SNTG2: variants seen among roughly 807,000 people sequenced by gnomAD.
SNTG2 encodes syntrophin gamma 2.
Under a neutral mutation model 70.9 loss-of-function variants are expected in SNTG2, and 74 were observed. That is an observed-to-expected ratio of 1.04 (90% CI 0.86 to 1.27). The LOEUF (loss-of-function observed/expected upper bound fraction) is 1.27, where lower values mean the gene tolerates loss of function less well. Among genes scored for constraint, SNTG2 ranks in the 50% most tolerant of loss-of-function variants. SNTG2 has a pLI of 0.00. For missense variants in SNTG2, 717 were observed against 690.7 expected, an observed-to-expected ratio of 1.04 and a Z score of -0.43; for synonymous variants, 278 against 273.8, an observed-to-expected ratio of 1.02 and a Z score of -0.15.
rs180775904 is a variant in SNTG2 at position 1,175,263 on chromosome 2, C to A, written c.591+2080C>A. Among the ~76,000 whole-genome samples, 25 of 152,288 alleles carry A rather than the reference C, an allele frequency of 1.6e-4. No individual in the cohort carries two copies. In the South Asian group the frequency reaches 5.2e-3, roughly 32 times the overall value. On this transcript the variant is annotated intron_variant, in intron 8 of 16. Transcript: ENST00000308624. ...AAGTAACCAGCACCATGAGCGCAGGCGTGTGCTGCTGAGACCTCTGTTGTA... is the reference window on the plus strand; with the variant it reads ...AAGTAACCAGCACCATGAGCGCAGGAGTGTGCTGCTGAGACCTCTGTTGTA...
chr2:1,207,588 G>A (rs764289698), intron 8 of SNTG2, among the ~76,000 whole-genome samples: 6 of 152,104 alleles, frequency 3.9e-5, no homozygotes, highest in Non-Finnish European at 8.8e-5. Context: ...GGAGGAGAAT[G>A]AGAAGGGGGC....
At chr2:1,256,127 C>G (rs1678107293) in intron 12 of SNTG2, among the ~76,000 whole-genome samples, 1 of 151,164 alleles carries the variant, frequency 6.6e-6, no homozygotes, top group Non-Finnish European at 1.5e-5. Flanking sequence ...TATAGAAAAC[C>G]AAATGTTTCG....
intron 1 of SNTG2, among the ~76,000 whole-genome samples, chr2:1,015,581 G>A (rs6548171): frequency 0.36 from 54,806 of 152,132 alleles, 10,807 homozygotes; most frequent in Middle Eastern, 0.52. Flanking sequence ...GCCAGTAAAC[G>A]TGGATGATGT....
intron 11 of SNTG2, among the ~76,000 whole-genome samples, chr2:1,240,285 T>A (rs764302348): frequency 3.9e-5 from 6 of 152,178 alleles, no homozygotes; most frequent in Non-Finnish European, 7.4e-5. Flanking sequence ...CCAGAGCCCT[T>A]AACGTTGTCC....
intron 14 of SNTG2, among the ~76,000 whole-genome samples, chr2:1,286,308 A>G (rs1229480506): frequency 6.6e-6 from 1 of 152,184 alleles, no homozygotes; most frequent in Admixed American, 6.5e-5. Context: ...ACAGTACCAT[A>G]TATCAAATGC....
chr2:1,246,681 A>G (rs1677449159), intron 11 of SNTG2, among the ~76,000 whole-genome samples: 1 of 152,224 alleles, frequency 6.6e-6, no homozygotes, highest in African/African-American at 2.4e-5. Context: ...ACTTGCTACA[A>G]AATATGTCAC....
At chr2:1,111,243 T>C (rs1666418064) in intron 4 of SNTG2, among the ~76,000 whole-genome samples, 1 of 152,218 alleles carries the variant, frequency 6.6e-6, no homozygotes, top group African/African-American at 2.4e-5. Flanking sequence ...GAATGAGAAA[T>C]GCCGAAACCT....
chr2:1,284,956 TA>T (rs1264872107), intron 14 of SNTG2, among the ~76,000 whole-genome samples: 1 of 151,016 alleles, frequency 6.6e-6, no homozygotes, highest in Non-Finnish European at 1.5e-5. Context: ...TATATAAATA[TA>T]AATATAACTA....
chr2:1,066,630 A>T (rs1427193466), intron 1 of SNTG2, among the ~76,000 whole-genome samples: 1 of 152,042 alleles, frequency 6.6e-6, no homozygotes, highest in African/African-American at 2.4e-5. Flanking sequence ...TGTCATATAA[A>T]ATCCACTTTT....
At chr2:960,455 T>C (rs1467206387) in intron 1 of SNTG2, among the ~76,000 whole-genome samples, 1 of 152,200 alleles carries the variant, frequency 6.6e-6, no homozygotes, top group Non-Finnish European at 1.5e-5. Context: ...ATTCCTGTTG[T>C]CTCCCAGGTG....
chr2:1,350,438 G>A (rs868122325), intron 16 of SNTG2, among the ~76,000 whole-genome samples: 5 of 152,196 alleles, frequency 3.3e-5, no homozygotes, highest in African/African-American at 1.2e-4. Context: ...TCTTAGAAAA[G>A]CTACCAGATT....
intron 2 of SNTG2, among the ~76,000 whole-genome samples, chr2:1,091,814 A>C (rs909697012): frequency 6.6e-6 from 1 of 152,238 alleles, no homozygotes; most frequent in African/African-American, 2.4e-5. Flanking sequence ...TTAACATCCA[A>C]ATTAAGCAAA....
At chr2:1,328,313 A>G (rs902440243) in intron 16 of SNTG2, among the ~76,000 whole-genome samples, 1 of 152,334 alleles carries the variant, frequency 6.6e-6, no homozygotes, top group Admixed American at 6.5e-5. Flanking sequence ...ACATGCATGC[A>G]GATACAACAT....
intron 1 of SNTG2, among the ~76,000 whole-genome samples, chr2:1,039,169 A>C (rs1047200751): frequency 2.0e-5 from 3 of 152,238 alleles, no homozygotes; most frequent in African/African-American, 7.2e-5. Flanking sequence ...TGTTTTGACA[A>C]CTTCAACAGT....
chr2:1,111,722 TAG>T (rs1330160854), intron 4 of SNTG2, among the ~76,000 whole-genome samples: 1 of 152,248 alleles, frequency 6.6e-6, no homozygotes, highest in African/African-American at 2.4e-5. Flanking sequence ...CAAGGCCACT[TAG>T]AGAGACTCCC....
At chr2:1,239,125 T>C (rs1676879528) in intron 10 of SNTG2, among the ~76,000 whole-genome samples, 1 of 149,054 alleles carries the variant, frequency 6.7e-6, no homozygotes, top group African/African-American at 2.4e-5. Flanking sequence ...GCTTGACTTA[T>C]ATTTGCAGAA....
At chr2:1,032,708 C>A (rs1212477740) in intron 1 of SNTG2, among the ~76,000 whole-genome samples, 2 of 151,778 alleles carry the variant, frequency 1.3e-5, no homozygotes, top group African/African-American at 2.4e-5. Context: ...TGCTCTTAAA[C>A]AGTTTGAGTT....
intron 12 of SNTG2, among the ~76,000 whole-genome samples, chr2:1,255,696 A>T (rs917876206): frequency 2.6e-5 from 4 of 151,536 alleles, no homozygotes; most frequent in Non-Finnish European, 5.9e-5. Context: ...GCTTCAGAAC[A>T]GTACTCCAGG....
chr2:1,220,749 G>C (rs150572461), intron 9 of SNTG2, among the ~76,000 whole-genome samples: 1 of 152,290 alleles, frequency 6.6e-6, no homozygotes, highest in South Asian at 2.1e-4. Flanking sequence ...TAAGGGCAGG[G>C]GCCACGTGTT....
Sources: allele counts gnomAD v4.1 joint callset (sites outside exome capture counted in the v4.1 genomes callset), GRCh38; gene constraint gnomAD v4.1.1; transcripts MANE v1.5; gene names NCBI Gene and HGNC (gene_info 2026-07-23, HGNC 2026-07-21).